The following EHMT2 variants were observed in gnomAD, a reference collection of about 807,000 sequenced individuals.
The protein encoded by EHMT2 is euchromatic histone lysine methyltransferase 2, also known as histone-lysine N-methyltransferase EHMT2.
A neutral mutation model predicts 143.3 loss-of-function variants in EHMT2; 59 were observed. That is an observed-to-expected ratio of 0.41 (90% CI 0.33 to 0.51). The LOEUF (loss-of-function observed/expected upper bound fraction) is 0.51. EHMT2 is among the 20% of genes least tolerant of loss of function. The pLI is 0.18. For missense variants in EHMT2, 1,174 were observed against 1,645.9 expected (o/e 0.71, Z 4.96); for synonymous variants, 604 against 651.5 (o/e 0.93, Z 1.11).
chr6:31,884,164 C>G lies in EHMT2; in HGVS notation c.2772-214G>C, dbSNP rs1764490924. 2 of 706,674 alleles carry G rather than the reference C, an allele frequency of 2.8e-6. No homozygotes were observed. The highest frequency in any genetic ancestry group is 1.8e-5 in the African/African-American group (1 of 55,756). The allele number at this position is 706,674 out of a possible 1,614,324, so 43.8% of individuals were successfully genotyped here. ...AAAAATTACACAGGACATTCTCACA[C>G]TAAAAAAGTATGCATCTGTGCATCT... is the stretch of plus-strand genomic sequence containing the variant. On this transcript the variant is annotated intron_variant, in intron 21 of 27. Coordinates refer to ENST00000375537, the Ensembl canonical transcript of EHMT2. This position sits in a 1 kb window ranked among gnomAD's most constrained non-coding sequence, Gnocchi z 7.3.
intron 14 of EHMT2, 35 bp from the exon 15 acceptor site, chr6:31,887,694 G>T (rs773685935): frequency 1.9e-6 from 3 of 1,610,482 alleles, no homozygotes; most frequent in Admixed American, 3.3e-5. Flanking sequence ...GAGAGAAGGG[G>T]AGCTCCTCAG....
Position 31,883,112 on chromosome 6 carries a change from G to A in EHMT2, c.2995-103C>T. 1.8e-6 allele frequency: 2 copies of A among 1,114,464 alleles called. No individual in the cohort carries two copies. The highest frequency in any genetic ancestry group is 2.7e-6 in the Non-Finnish European group (2 of 752,130). 69.0% of individuals were successfully genotyped at this position (1,114,464 alleles called of 1,614,324 possible). A position where few individuals can be genotyped will look rare whatever the true frequency, so the allele number is the denominator to read the frequency against. ...CAGAGACAGGGAAGTTGGGGTTGGG[G>A]AGGTCACACAGGCTCTGAGATCCGA... On this transcript the variant is annotated intron_variant, in intron 23 of 27. Coordinates refer to ENST00000375537, the Ensembl canonical transcript of EHMT2. This position sits in a 1 kb window ranked among gnomAD's most constrained non-coding sequence, Gnocchi z 5.6.
intron 7 of EHMT2, among the ~76,000 whole-genome samples, chr6:31,891,971 G>T (rs1006796326): frequency 2.0e-5 from 3 of 152,166 alleles, no homozygotes; most frequent in African/African-American, 7.2e-5. Flanking sequence ...GCTGGGCGCG[G>T]TGGCTCACAG....
Position 31,880,570 on chromosome 6 carries a change from A to G in EHMT2, c.3452+103T>C. 1 of 1,263,478 alleles carries G rather than the reference A, an allele frequency of 7.9e-7. No individual in the cohort carries two copies. The highest frequency in any genetic ancestry group is 1.1e-6 in the Non-Finnish European group (1 of 891,466). 78.3% of individuals were successfully genotyped at this position (1,263,478 alleles called of 1,614,324 possible). On this transcript the variant is annotated intron_variant, in intron 27 of 27. Transcript: ENST00000375537. This position sits in a 1 kb window ranked among gnomAD's most constrained non-coding sequence, Gnocchi z 6.6. ...TACACTGAAATCTGAGAAGCTCTGC[A>G]CTACTCCATGCCTGGACACCAGGTA...
rs560922093 is a variant in EHMT2 at position 31,887,883 on chromosome 6, G to A, written c.1824C>T (p.Pro608=). 11 of 1,611,864 alleles carry A rather than the reference G, an allele frequency of 6.8e-6. No individual in the cohort carries two copies. In the East Asian group the frequency reaches 2.2e-4, roughly 33 times the overall value. The change falls in exon 14 of 28, where the codon CCC becomes CCT. Residue 608 remains proline (P), a synonymous_variant. Coordinates refer to ENST00000375537, the Ensembl canonical transcript of EHMT2. ...AGCCCCCATTGGGCAGGGTCAGGGA[G>A]GGCCCTGAGCTGTCAATGGTGTCAG... is the stretch of plus-strand genomic sequence containing the variant.
In EHMT2 at chr6:31,883,149, G is replaced by T; in HGVS notation, c.2995-140C>A. On this transcript the variant is annotated intron_variant, in intron 23 of 27. Coordinates refer to ENST00000375537, the Ensembl canonical transcript of EHMT2. This position sits in a 1 kb window ranked among gnomAD's most constrained non-coding sequence, Gnocchi z 5.6. ...GCTCTGAGATCCGAGAGCACGAAATGCAGGAGCATCATCCCTGGTTTGCAT... is the reference window on the plus strand; with the variant it reads ...GCTCTGAGATCCGAGAGCACGAAATTCAGGAGCATCATCCCTGGTTTGCAT... 1 of 867,774 alleles carries T rather than the reference G, an allele frequency of 1.2e-6. No individual in the cohort carries two copies. Among genetic ancestry groups the T allele is most frequent in the Non-Finnish European group, 1.8e-6 (1 of 541,438 alleles). 53.8% of individuals were successfully genotyped at this position (867,774 alleles called of 1,614,324 possible). A position where few individuals can be genotyped will look rare whatever the true frequency, so the allele number is the denominator to read the frequency against.
chr6:31,896,836 G>C lies in EHMT2; in HGVS notation c.110-12C>G, dbSNP rs746319204. 6.2e-7 allele frequency: 1 copy of C among 1,612,798 alleles called. No homozygotes were observed. Among genetic ancestry groups the C allele is most frequent in the East Asian group, 2.2e-5 (1 of 44,874 alleles). On this transcript the variant is annotated splice_polypyrimidine_tract_variant and intron_variant, in intron 2 of 27. Transcript: ENST00000375537. ...CAAAGAGCCATGAACTGTAGAGGAA[G>C]AGAAAAAGTTCAGAGCTAAGGGCTC...
intron 1 of EHMT2, 88 bp downstream of exon 1, chr6:31,897,548 G>C: frequency 3.0e-6 from 3 of 992,136 alleles, no homozygotes; most frequent in Non-Finnish European, 3.7e-6. Context: ...CCCCGGCCCC[G>C]TTGCACCCCC....
At chr6:31,886,674 GTCC>G in exon 18 of EHMT2, 1 of 1,613,972 alleles carries the variant, frequency 6.2e-7, no homozygotes, top group Non-Finnish European at 8.5e-7. Flanking sequence ...AGGTGGAACC[GTCC>G]TCCTCCTGAG....
At position 31,887,778 on chromosome 6, in the gene EHMT2, CCTCT is replaced by C; in HGVS notation, c.1925_1928del (p.Glu642GlyfsTer16). The C allele has an allele frequency of 1.3e-6, 2 of 1,599,240 alleles. No homozygotes were observed. The highest frequency in any genetic ancestry group is 1.7e-6 in the Non-Finnish European group (2 of 1,175,118). On this transcript the variant is annotated frameshift_variant and splice_region_variant, in exon 14 of 28. Coordinates refer to ENST00000375537, the Ensembl canonical transcript of EHMT2. LOFTEE classifies it high-confidence loss of function. ...CTGTGCCTGAGCAACTCCCCACTCACCTCTCTGACTCCTGGATGACCAGGGCCTT... is the reference window on the plus strand; with the variant it reads ...CTGTGCCTGAGCAACTCCCCACTCACCTGACTCCTGGATGACCAGGGCCTT...
intron 6 of EHMT2, 36 bp from the exon 7 acceptor site, chr6:31,892,598 C>T (rs780978227): frequency 6.2e-7 from 1 of 1,612,800 alleles, no homozygotes; most frequent in South Asian, 1.1e-5. Flanking sequence ...GCCACTGACA[C>T]CCTGCGCATT....
chr6:31,892,493 C>T (rs1765821029), exon 7 of EHMT2: 1 of 1,612,956 alleles, frequency 6.2e-7, no homozygotes, highest in Non-Finnish European at 8.5e-7. Flanking sequence ...TCCCACTCCT[C>T]CAGGGACCCG....
At position 31,888,060 on chromosome 6, in the gene EHMT2, C is replaced by T. The variant is rs377425688; in HGVS notation, c.1726G>A (p.Ala576Thr). ...CAGTACCTGGGCTGAGAAGTGTCTG[C>T]TCTCCCGGGGACATCCTGGGACAGG... is the stretch of plus-strand genomic sequence containing the variant. The change falls in exon 13 of 28, where the codon GCA becomes ACA. Residue 576 changes from alanine (A) to threonine (T), a missense_variant. Coordinates refer to ENST00000375537, the Ensembl canonical transcript of EHMT2. This position sits in a 1 kb window ranked among gnomAD's most constrained non-coding sequence, Gnocchi z 7.4. The T allele has an allele frequency of 1.3e-6, 2 of 1,591,336 alleles. No homozygotes were observed. The highest frequency in any genetic ancestry group is 2.7e-5 in the African/African-American group (2 of 74,556).
Position 31,884,819 on chromosome 6 carries a change from A to G in EHMT2, c.2449-20T>C. On this transcript the variant is annotated intron_variant, in intron 19 of 27. Coordinates refer to ENST00000375537, the Ensembl canonical transcript of EHMT2. This position sits in a 1 kb window ranked among gnomAD's most constrained non-coding sequence, Gnocchi z 7.3. ...CTCCTCCTGTGGAGGTAGGAGGGGA[A>G]CAGATGAGGTGCAGGCAGCTGGGCC... The G allele has an allele frequency of 6.3e-7, 1 of 1,589,330 alleles. No homozygotes were observed. Among genetic ancestry groups the G allele is most frequent in the Non-Finnish European group, 8.6e-7 (1 of 1,165,264 alleles).
rs1764617156 is a variant in EHMT2, at chr6:31,884,853, C to T, written c.2449-54G>A. The stretch of plus-strand genomic sequence containing the variant: ...GTGCAGGCAGCTGGGCCCTTGAATC[C>T]AGCCTCCACCTTGCTCAGGGGCCTG... On this transcript the variant is annotated intron_variant, in intron 19 of 27. Transcript: ENST00000375537. The surrounding 1 kb of genome is among the most constrained non-coding windows in gnomAD (Gnocchi z 7.3). 1.3e-6 allele frequency: 2 copies of T among 1,578,292 alleles called. No homozygotes were observed. Among genetic ancestry groups the T allele is most frequent in the Non-Finnish European group, 1.7e-6 (2 of 1,156,232 alleles).
intron 1 of EHMT2, chr6:31,897,223 G>C: frequency 8.1e-7 from 1 of 1,227,852 alleles, no homozygotes; most frequent in Non-Finnish European, 1.0e-6. Context: ...GAGAGAAGAG[G>C]AGGGGGAGGG....
Position 31,889,513 on chromosome 6 carries a change from C to CTCTTCCTCCTCCTCTTCCTCTTCTTCT in EHMT2, c.927_953dup (p.Glu315_Glu323dup). 1 of 1,612,388 alleles carries CTCTTCCTCCTCCTCTTCCTCTTCTTCT rather than the reference C, an allele frequency of 6.2e-7. No homozygotes were observed. Among genetic ancestry groups the CTCTTCCTCCTCCTCTTCCTCTTCTTCT allele is most frequent in the South Asian group, 1.1e-5 (1 of 91,014 alleles). On this transcript the variant is annotated inframe_insertion, in exon 8 of 28. Coordinates refer to ENST00000375537, the Ensembl canonical transcript of EHMT2. This position sits in a 1 kb window ranked among gnomAD's most constrained non-coding sequence, Gnocchi z 5.1. ...ACTCCTCATCTTCCTCTTCTTCTTC[C>CTCTTCCTCCTCCTCTTCCTCTTCTTCT]TCTTCCTCCTCCTCTTCCTCTTCTT... is the stretch of plus-strand genomic sequence containing the variant.
At chr6:31,893,013 C>A in intron 4 of EHMT2, 103 bp from the exon 5 acceptor site, 3 of 682,418 alleles carry the variant, frequency 4.4e-6, no homozygotes, top group Non-Finnish European at 7.4e-6. Flanking sequence ...GCCACACCTC[C>A]AAATGCCATG....
chr6:31,890,732 G>A (rs1441288423), intron 7 of EHMT2, among the ~76,000 whole-genome samples: 1 of 149,974 alleles, frequency 6.7e-6, no homozygotes, highest in Admixed American at 6.6e-5. Flanking sequence ...GGGCATGGTG[G>A]TGGGTGCCTG....
Sources: allele counts gnomAD v4.1 joint callset (sites outside exome capture counted in the v4.1 genomes callset), GRCh38; gene constraint gnomAD v4.1.1; non-coding constraint Gnocchi (gnomAD v3.1); transcripts MANE v1.5; gene names NCBI Gene and HGNC (gene_info 2026-07-23, HGNC 2026-07-21).